The following CD82 variants were observed in gnomAD, a reference collection of about 807,000 sequenced individuals.
CD82 encodes CD82 molecule.
A neutral mutation model predicts 37.4 loss-of-function variants in CD82; 36 were observed. That is an observed-to-expected ratio of 0.96 (90% CI 0.74 to 1.27). The LOEUF (loss-of-function observed/expected upper bound fraction) is 1.27. CD82 is among the 50% of genes most tolerant of loss of function. CD82 has a pLI of 0.00. For synonymous variants in CD82, 158 were observed against 137.4 expected (o/e 1.15, Z -1.05); for missense variants, 340 against 347.0 (o/e 0.98, Z 0.16).
upstream of CD82, among the ~76,000 whole-genome samples, chr11:44,565,050 C>T (rs1852707291): frequency 6.6e-6 from 1 of 152,240 alleles, no homozygotes; most frequent in African/African-American, 2.4e-5. Flanking sequence ...CTGATAGAGG[C>T]CCCGACTTAG....
intron 6 of CD82, among the ~76,000 whole-genome samples, chr11:44,613,944 G>A (rs537330974): frequency 1.7e-3 from 255 of 152,288 alleles, no homozygotes; most frequent in Middle Eastern, 6.8e-3. Flanking sequence ...CTGCTGGCTT[G>A]GGGCTTGGGA....
intron 6 of CD82, among the ~76,000 whole-genome samples, chr11:44,613,346 G>C (rs899262943): frequency 6.6e-6 from 1 of 152,242 alleles, no homozygotes; most frequent in African/African-American, 2.4e-5. Context: ...CGCCGAGGGA[G>C]GCCCTGCCCT....
At position 44,605,511 on chromosome 11, in the gene CD82, A is replaced by AC. The variant is rs749321014; in HGVS notation, c.336+89dup. On this transcript the variant is annotated intron_variant, in intron 6 of 9. Coordinates refer to ENST00000227155, the MANE Select transcript of CD82 (RefSeq NM_002231.4). The stretch of plus-strand genomic sequence containing the variant: ...ACTGAGTGTGGGGGATGGACAAGGA[A>AC]CCCCCCCAGTTGTCACAGACAGATC... The AC allele has an allele frequency of 1.1e-4, 146 of 1,300,914 alleles. 1 individual carries two copies. In the Admixed American group the frequency reaches 2.1e-3, roughly 18 times the overall value. The allele number at this position is 1,300,914 out of a possible 1,614,324, so 80.6% of individuals were successfully genotyped here.
intron 9 of CD82, 122 bp from the exon 10 acceptor site, chr11:44,618,927 A>AG (rs1853612956): frequency 2.2e-6 from 2 of 925,918 alleles, no homozygotes; most frequent in African/African-American, 3.2e-5. Context: ...CCTGCATCAC[A>AG]GGGTGGTTGT....
At chr11:44,574,172 G>C (rs1852855029) in intron 1 of CD82, among the ~76,000 whole-genome samples, 1 of 152,064 alleles carries the variant, frequency 6.6e-6, no homozygotes, top group Non-Finnish European at 1.5e-5. Context: ...GGGTGCTCTT[G>C]GCATAGAGTT....
chr11:44,607,526 T>C (rs1853415465), intron 6 of CD82, among the ~76,000 whole-genome samples: 1 of 152,234 alleles, frequency 6.6e-6, no homozygotes, highest in Non-Finnish European at 1.5e-5. Context: ...ACTCAGAAGC[T>C]GGTCGCCTCT....
chr11:44,617,102 A>G (rs982019980), intron 7 of CD82, among the ~76,000 whole-genome samples: 2 of 152,162 alleles, frequency 1.3e-5, no homozygotes, highest in Non-Finnish European at 2.9e-5. Context: ...CTAGGAAGGA[A>G]GCGGTCCAGG....
chr11:44,591,960 C>G (rs1853151685), intron 2 of CD82, among the ~76,000 whole-genome samples: 1 of 152,240 alleles, frequency 6.6e-6, no homozygotes, highest in African/African-American at 2.4e-5. Flanking sequence ...GCTGGGATTA[C>G]AGGCACCCAC....
At chr11:44,596,109 T>C (rs1053518025) in intron 3 of CD82, among the ~76,000 whole-genome samples, 1 of 152,166 alleles carries the variant, frequency 6.6e-6, no homozygotes, top group African/African-American at 2.4e-5. Context: ...TGGAGGACCC[T>C]GTGAGGCCCC....
chr11:44,614,748 A>G (rs1853536742), intron 6 of CD82, among the ~76,000 whole-genome samples: 3 of 152,218 alleles, frequency 2.0e-5, no homozygotes, highest in Non-Finnish European at 2.9e-5. Flanking sequence ...AGGAGGTGAC[A>G]TTGGAGCAGA....
chr11:44,611,710 A>G (rs1853484104), intron 6 of CD82, among the ~76,000 whole-genome samples: 1 of 151,838 alleles, frequency 6.6e-6, no homozygotes, highest in Non-Finnish European at 1.5e-5. Flanking sequence ...TGCCAGGGTG[A>G]CCTCCCTGCA....
chr11:44,618,795 T>C, intron 9 of CD82, 72 bp downstream of exon 9: 1 of 1,356,160 alleles, frequency 7.4e-7, no homozygotes, highest in Non-Finnish European at 1.0e-6. Context: ...CTGATCTCCT[T>C]GGGGAGGTGG....
At chr11:44,609,805 T>C (rs1853454945) in intron 6 of CD82, among the ~76,000 whole-genome samples, 1 of 152,010 alleles carries the variant, frequency 6.6e-6, no homozygotes, top group Non-Finnish European at 1.5e-5. Flanking sequence ...CTCTCCCCTG[T>C]TGAGAAGGGA....
Position 44,603,888 on chromosome 11 carries a change from C to T in CD82, c.137-1170C>T, listed in dbSNP as rs181497804. 7.2e-4 allele frequency among the ~76,000 whole-genome samples: 110 copies of T among 152,360 alleles called. 1 individual carries two copies. In the Middle Eastern group the frequency reaches 0.01, roughly 14 times the overall value. ...TTTCCTCCCGGGCTTCTTTCTTGCT[C>T]TCACTGGTCCGTTCTCTCACCTTCT... On this transcript the variant is annotated intron_variant, in intron 4 of 9. Transcript: ENST00000227155.
chr11:44,571,954 C>A lies in CD82; in HGVS notation c.-103+6218C>A, dbSNP rs193238823. Among the ~76,000 whole-genome samples the A allele has an allele frequency of 2.0e-3, 311 of 152,234 alleles. 7 individuals are homozygous for A. The highest frequency in any genetic ancestry group is 0.019 in the Admixed American group (290 of 15,302). On this transcript the variant is annotated intron_variant, in intron 1 of 9. Transcript: ENST00000227155. ...AGATCAGGGGACCTGGGCTCCGTTC[C>A]CAGCTCATCTTTTACTTGCTGTGTT...
Position 44,619,205 on chromosome 11 carries a change from C to T in CD82, c.*79C>T, listed in dbSNP as rs1316457478. The T allele has an allele frequency of 5.3e-6, 6 of 1,140,848 alleles. No homozygotes were observed. Among genetic ancestry groups the T allele is most frequent in the Non-Finnish European group, 8.0e-6 (6 of 749,858 alleles). The allele number at this position is 1,140,848 out of a possible 1,614,324, so 70.7% of individuals were successfully genotyped here. On this transcript the variant is annotated 3_prime_UTR_variant, in exon 10 of 10. Transcript: ENST00000227155. ...GGTCTCCCTGGCTCCCTCCTCCAGGCCTGCCTCCCACTTCACTGCGAAGAC... is the reference window on the plus strand; with the variant it reads ...GGTCTCCCTGGCTCCCTCCTCCAGGTCTGCCTCCCACTTCACTGCGAAGAC...
chr11:44,571,545 G>A (rs904200882), intron 1 of CD82, among the ~76,000 whole-genome samples: 1 of 152,116 alleles, frequency 6.6e-6, no homozygotes, highest in Non-Finnish European at 1.5e-5. Context: ...TGCTATATAT[G>A]TTCCTGCTGC....
At chr11:44,584,400 C>T (rs1332570782) in intron 1 of CD82, among the ~76,000 whole-genome samples, 1 of 152,196 alleles carries the variant, frequency 6.6e-6, no homozygotes, top group Non-Finnish European at 1.5e-5. Context: ...AGTTCTCCTG[C>T]CTTAGCCTCC....
intron 1 of CD82, among the ~76,000 whole-genome samples, chr11:44,573,676 G>C (rs1852847273): frequency 6.6e-6 from 1 of 152,202 alleles, no homozygotes; most frequent in Admixed American, 6.5e-5. Flanking sequence ...AGACGGTATG[G>C]CATGGCACTG....
Sources: allele counts gnomAD v4.1 joint callset (sites outside exome capture counted in the v4.1 genomes callset), GRCh38; gene constraint gnomAD v4.1.1; transcripts MANE v1.5; gene names NCBI Gene and HGNC (gene_info 2026-07-23, HGNC 2026-07-21).